The following DNAH6 variants were observed in gnomAD, a reference collection of about 807,000 sequenced individuals.
The protein encoded by DNAH6 is dynein axonemal heavy chain 6.
A neutral mutation model predicts 491.4 loss-of-function variants in DNAH6; 340 were observed. That is an observed-to-expected ratio of 0.69 (90% CI 0.63 to 0.76). DNAH6 has a LOEUF of 0.76. Among genes scored for constraint, DNAH6 ranks in the 30% least tolerant of loss-of-function variants. The pLI is 0.00. For missense variants in DNAH6, 4,443 were observed against 4,972.2 expected (o/e 0.89, Z 3.20); for synonymous variants, 1,603 against 1,686.1 (o/e 0.95, Z 1.21).
intron 11 of DNAH6, among the ~76,000 whole-genome samples, chr2:84,565,511 CT>C (rs1558723710): frequency 6.6e-6 from 1 of 151,820 alleles, no homozygotes; most frequent in Non-Finnish European, 1.5e-5. Context: ...CTCTGAGGAT[CT>C]TTTTTATTTC....
chr2:84,783,685 C>G (rs1676915100), intron 65 of DNAH6, among the ~76,000 whole-genome samples: 1 of 152,134 alleles, frequency 6.6e-6, no homozygotes, highest in Non-Finnish European at 1.5e-5. Context: ...ATGTATTGTT[C>G]TAGGATATGT....
the DNAH6 span, among the ~76,000 whole-genome samples, chr2:84,476,070 C>G: frequency 3.3e-5 from 5 of 152,206 alleles, no homozygotes; most frequent in African/African-American, 1.2e-4. Context: ...TTTTAAACTG[C>G]AAGTACTGAG....
At chr2:84,797,061 G>GATAA (rs2308207) in intron 69 of DNAH6, among the ~76,000 whole-genome samples, 34,089 of 151,844 alleles carry the variant, frequency 0.22, 4,513 homozygotes, top group African/African-American at 0.39. Flanking sequence ...AGTCAGAGCT[G>GATAA]GATTCAACTG....
At chr2:84,508,343 G>T in the DNAH6 span, among the ~76,000 whole-genome samples, 1 of 152,186 alleles carries the variant, frequency 6.6e-6, no homozygotes, top group African/African-American at 2.4e-5. Context: ...AGATTTTCTA[G>T]TTTATTTGCG....
upstream of DNAH6, among the ~76,000 whole-genome samples, chr2:84,513,462 T>C (rs1050808786): frequency 6.6e-6 from 1 of 152,194 alleles, no homozygotes; most frequent in Non-Finnish European, 1.5e-5. Context: ...GATGGACTTT[T>C]AGAGTTCCTT....
intron 3 of DNAH6, among the ~76,000 whole-genome samples, chr2:84,526,642 AG>A (rs1346803140): frequency 2.0e-5 from 3 of 152,074 alleles, no homozygotes; most frequent in Non-Finnish European, 4.4e-5. Context: ...ATAAGATGAG[AG>A]AGGTGGGAGC....
At chr2:84,504,084 T>A in the DNAH6 span, among the ~76,000 whole-genome samples, 1 of 152,026 alleles carries the variant, frequency 6.6e-6, no homozygotes, top group Non-Finnish European at 1.5e-5. Context: ...GGCATACTTG[T>A]TTTTTGTTAT....
chr2:84,814,119 G>A lies in DNAH6; in HGVS notation c.12147G>A (p.Met4049Ile), dbSNP rs1206861755. Residue 4049 changes from methionine to isoleucine, a missense_variant, in exon 75 of 77, where the codon ATG becomes ATA. This residue lies in a region of DNAH6 where 1,463 missense variants were observed against 1,656.6 expected (regional missense o/e 0.88). Coordinates refer to ENST00000389394, the MANE Select transcript of DNAH6 (RefSeq NM_001370.2). ...TTGGACAAGAACTGCCCATGGACAT[G>A]GAGGTATTGTCCACCTGGCTGTTAT... Reference protein sequence around the residue: ...VQFGQELPMDMELPSPEDGVL... With the variant: ...VQFGQELPMDIELPSPEDGVL... 6.4e-6 allele frequency: 10 copies of A among 1,551,278 alleles called. No homozygotes were observed. In the African/African-American group the frequency reaches 1.1e-4, roughly 17 times the overall value.
chr2:84,470,382 C>A, the DNAH6 span, among the ~76,000 whole-genome samples: 1 of 152,204 alleles, frequency 6.6e-6, no homozygotes, highest in Non-Finnish European at 1.5e-5. Flanking sequence ...AGAATGGCTA[C>A]TCCACAGACA....
chr2:84,620,844 G>A (rs548390622), intron 24 of DNAH6, among the ~76,000 whole-genome samples: 1 of 152,330 alleles, frequency 6.6e-6, no homozygotes, highest in South Asian at 2.1e-4. Context: ...GAACTGAAGT[G>A]TCATTTGGAC....
At chr2:84,525,419 A>G (rs893217697) in intron 2 of DNAH6, 146 bp from the exon 3 acceptor site, 2 of 697,142 alleles carry the variant, frequency 2.9e-6, no homozygotes, top group African/African-American at 3.7e-5. Flanking sequence ...CAATGGTGGT[A>G]GTTAACTATT....
chr2:84,553,542 A>G (rs1485811125), intron 10 of DNAH6, among the ~76,000 whole-genome samples: 1 of 149,656 alleles, frequency 6.7e-6, no homozygotes. Flanking sequence ...AGCTCACTGC[A>G]GCCTCAACCT....
chr2:84,757,121 C>A (rs1674110678), intron 63 of DNAH6, among the ~76,000 whole-genome samples: 1 of 152,144 alleles, frequency 6.6e-6, no homozygotes, highest in African/African-American at 2.4e-5. Flanking sequence ...ATTTCCACAG[C>A]AAATTCTTGC....
intron 71 of DNAH6, among the ~76,000 whole-genome samples, chr2:84,807,054 G>C (rs1679489110): frequency 6.6e-6 from 1 of 152,186 alleles, no homozygotes; most frequent in South Asian, 2.1e-4. Context: ...TTCTCTCCAG[G>C]CTTCATAAAG....
intron 56 of DNAH6, among the ~76,000 whole-genome samples, chr2:84,712,371 A>G (rs1697124744): frequency 6.6e-6 from 1 of 152,252 alleles, no homozygotes; most frequent in African/African-American, 2.4e-5. Flanking sequence ...CCCCTGGGCC[A>G]TGGGACCCCC....
chr2:84,759,015 A>C (rs1363155661), intron 63 of DNAH6, among the ~76,000 whole-genome samples: 1 of 152,214 alleles, frequency 6.6e-6, no homozygotes, highest in Non-Finnish European at 1.5e-5. Flanking sequence ...CTGTTTATTG[A>C]TGATATGGTA....
chr2:84,733,386 G>A, intron 61 of DNAH6, 58 bp from the exon 62 acceptor site: 1 of 1,466,608 alleles, frequency 6.8e-7, no homozygotes, highest in Non-Finnish European at 9.3e-7. Context: ...TGGACAAAGT[G>A]AAAGTATATT....
intron 5 of DNAH6, among the ~76,000 whole-genome samples, chr2:84,546,028 T>C (rs1217716944): frequency 6.6e-6 from 1 of 152,180 alleles, no homozygotes; most frequent in Non-Finnish European, 1.5e-5. Flanking sequence ...TATGCATCGC[T>C]CCAAAGAAAA....
the DNAH6 span, among the ~76,000 whole-genome samples, chr2:84,460,382 T>C: frequency 6.6e-6 from 1 of 152,344 alleles, no homozygotes; most frequent in East Asian, 1.9e-4. Context: ...GGTTTCCAGA[T>C]ATATCCATTA....
Sources: allele counts gnomAD v4.1 joint callset (sites outside exome capture counted in the v4.1 genomes callset), GRCh38; gene constraint gnomAD v4.1.1; regional missense constraint gnomAD v4.1.1; transcripts MANE v1.5; gene names NCBI Gene and HGNC (gene_info 2026-07-23, HGNC 2026-07-21).